CMSS1: variants seen among roughly 807,000 people sequenced by gnomAD.
CMSS1 encodes cms1 ribosomal small subunit homolog, also known as protein CMSS1.
Under a neutral mutation model 43.5 loss-of-function variants are expected in CMSS1, and 33 were observed. The ratio of observed to expected loss-of-function variants is 0.76; its 90% CI spans 0.57 to 1.01. The LOEUF (loss-of-function observed/expected upper bound fraction) is 1.01, where lower values mean the gene tolerates loss of function less well. CMSS1 is among the 50% of genes least tolerant of loss of function. The pLI is 0.00. For synonymous variants in CMSS1, 115 were observed against 117.2 expected (o/e 0.98, Z 0.12); for missense variants, 313 against 326.4 (o/e 0.96, Z 0.32).
chr3:99,895,463 C>G (rs747180244), intron 1 of CMSS1, among the ~76,000 whole-genome samples: 9 of 151,290 alleles, frequency 5.9e-5, no homozygotes, highest in Admixed American at 1.3e-4. Context: ...TTTCCTTCCG[C>G]TCATGGGCAA....
At chr3:99,948,102 A>G (rs1576593693) in intron 1 of CMSS1, among the ~76,000 whole-genome samples, 1 of 152,348 alleles carries the variant, frequency 6.6e-6, no homozygotes, top group Admixed American at 6.5e-5. Flanking sequence ...CATCATTTTA[A>G]TGCTGTCTTA....
chr3:100,160,779 G>A (rs767851749), intron 3 of CMSS1, among the ~76,000 whole-genome samples: 1 of 152,200 alleles, frequency 6.6e-6, no homozygotes, highest in Non-Finnish European at 1.5e-5. Context: ...GTCAGACATA[G>A]ATTTCTAATT....
chr3:99,985,527 A>G (rs1055834514), intron 1 of CMSS1, among the ~76,000 whole-genome samples: 17 of 152,158 alleles, frequency 1.1e-4, no homozygotes, highest in African/African-American at 4.1e-4. Context: ...GCCAATTCAT[A>G]CTTTTAAAAT....
chr3:99,998,379 T>C (rs1254955493), intron 1 of CMSS1, among the ~76,000 whole-genome samples: 2 of 152,174 alleles, frequency 1.3e-5, no homozygotes, highest in African/African-American at 4.8e-5. Context: ...CCATCTTGCA[T>C]GTGTTTAAAT....
At chr3:100,149,733 T>C (rs900174348) in intron 2 of CMSS1, among the ~76,000 whole-genome samples, 1 of 152,202 alleles carries the variant, frequency 6.6e-6, no homozygotes, top group African/African-American at 2.4e-5. Flanking sequence ...ATTTTATCTG[T>C]GCGTCTCCAC....
chr3:100,116,294 A>G (rs910014119), intron 1 of CMSS1, among the ~76,000 whole-genome samples: 2 of 152,146 alleles, frequency 1.3e-5, no homozygotes, highest in Non-Finnish European at 2.9e-5. Flanking sequence ...CCTTCTCCTC[A>G]CTTATTTTTG....
chr3:99,949,981 C>T lies in CMSS1; in HGVS notation c.64+131938C>T, dbSNP rs1431827894. Among the ~76,000 whole-genome samples the T allele has an allele frequency of 2.0e-5, 3 of 152,084 alleles. No individual in the cohort carries two copies. In the East Asian group the frequency reaches 5.8e-4, roughly 29 times the overall value. ...ATCATTAATTATTTCCCAGAATAACCTTTACTTTCATAATCAAAGGTATGC... is the reference window on the plus strand; with the variant it reads ...ATCATTAATTATTTCCCAGAATAACTTTTACTTTCATAATCAAAGGTATGC... On this transcript the variant is annotated intron_variant, in intron 1 of 9. Coordinates refer to ENST00000421999, the MANE Select transcript of CMSS1 (RefSeq NM_032359.4).
chr3:99,956,638 C>T (rs940223458), intron 1 of CMSS1, among the ~76,000 whole-genome samples: 10 of 152,214 alleles, frequency 6.6e-5, no homozygotes, highest in Admixed American at 1.3e-4. Flanking sequence ...TGAGCCCCCG[C>T]GCCCAGCCAC....
chr3:100,113,684 T>A (rs1256634804), intron 1 of CMSS1, among the ~76,000 whole-genome samples: 1 of 152,214 alleles, frequency 6.6e-6, no homozygotes, highest in Admixed American at 6.5e-5. Context: ...ATCATTCACA[T>A]CAGCTTACAA....
intron 1 of CMSS1, among the ~76,000 whole-genome samples, chr3:100,086,610 C>A (rs1037469924): frequency 2.6e-5 from 4 of 152,172 alleles, no homozygotes; most frequent in Admixed American, 2.6e-4. Context: ...AAAATATGTG[C>A]CTTCCTATGA....
At chr3:99,873,268 C>A (rs1310953794) in intron 1 of CMSS1, among the ~76,000 whole-genome samples, 1 of 152,190 alleles carries the variant, frequency 6.6e-6, no homozygotes, top group Non-Finnish European at 1.5e-5. Flanking sequence ...AAGCTGAATT[C>A]ATGGTCAAAT....
chr3:99,967,930 A>G (rs553103626), intron 1 of CMSS1, among the ~76,000 whole-genome samples: 19 of 152,336 alleles, frequency 1.2e-4, no homozygotes, highest in African/African-American at 4.6e-4. Flanking sequence ...GTGCAACGGT[A>G]TGTGGGAGTG....
intron 2 of CMSS1, chr3:100,159,794 G>T (rs771046182): frequency 2.5e-6 from 1 of 407,178 alleles, no homozygotes; most frequent in Non-Finnish European, 5.0e-6. Context: ...AGGGGTCAAG[G>T]CAACAGGCAA....
At chr3:100,109,910 C>CCCA (rs2066461365) in intron 1 of CMSS1, 1 of 122,056 alleles carries the variant, frequency 8.2e-6, no homozygotes, top group African/African-American at 3.0e-5. Flanking sequence ...ATGACCCCCC[C>CCCA]CCCCCAGCAC....
chr3:99,924,830 G>GT (rs966646727), intron 1 of CMSS1, among the ~76,000 whole-genome samples: 1 of 152,170 alleles, frequency 6.6e-6, no homozygotes, highest in Non-Finnish European at 1.5e-5. Flanking sequence ...CCAGCAGTGG[G>GT]TTTTTTATCT....
intron 1 of CMSS1, among the ~76,000 whole-genome samples, chr3:99,905,959 G>A (rs191442811): frequency 6.6e-6 from 1 of 152,298 alleles, no homozygotes; most frequent in East Asian, 1.9e-4. Context: ...TTGGGAGGCT[G>A]AGGCAGGCAG....
At position 100,020,760 on chromosome 3, in the gene CMSS1, C is replaced by CTTTTT. The variant is rs34665880; in HGVS notation, c.65-126192_65-126188dup. On this transcript the variant is annotated intron_variant, in intron 1 of 9. Transcript: ENST00000421999. ...TTTTTAGAAAGTAATGAATAATTAG[C>CTTTTT]TTTTTTTTTTTTTTTTTTTTTTTTT... 8.2e-4 allele frequency among the ~76,000 whole-genome samples: 58 copies of CTTTTT among 71,008 alleles called. 2 individuals are homozygous for CTTTTT. Among genetic ancestry groups the CTTTTT allele is most frequent in the African/African-American group, 1.2e-3 (20 of 17,050 alleles). 46.6% of individuals were successfully genotyped at this position (71,008 alleles called of 152,430 possible).
chr3:100,053,547 TCTTAA>T (rs1421752944), intron 1 of CMSS1, among the ~76,000 whole-genome samples: 1 of 152,192 alleles, frequency 6.6e-6, no homozygotes, highest in Non-Finnish European at 1.5e-5. Flanking sequence ...TTTGACCTCA[TCTTAA>T]CTTGATTACG....
chr3:99,995,331 AGGTCACACTGATGTAAGAGG>A (rs960414036), intron 1 of CMSS1, among the ~76,000 whole-genome samples: 2 of 152,202 alleles, frequency 1.3e-5, no homozygotes, highest in African/African-American at 4.8e-5. Context: ...TCTCACATCC[AGGTCACACTGATGTAAGAGG>A]TGGGTTCCCA....
Sources: allele counts gnomAD v4.1 joint callset (sites outside exome capture counted in the v4.1 genomes callset), GRCh38; gene constraint gnomAD v4.1.1; transcripts MANE v1.5; gene names NCBI Gene and HGNC (gene_info 2026-07-23, HGNC 2026-07-21).